PHLDB2: variants seen among roughly 807,000 people sequenced by gnomAD.
PHLDB2 encodes the protein pleckstrin homology like domain family B member 2.
In PHLDB2, 71 loss-of-function variants were observed where a neutral mutation model predicts 123.6. The observed-to-expected ratio is 0.57, with a 90% CI of 0.47 to 0.70. The LOEUF (loss-of-function observed/expected upper bound fraction) is 0.70. Ranked by LOEUF, PHLDB2 falls within the 30% of genes least tolerant of loss-of-function variation. The pLI, the probability that PHLDB2 is intolerant of heterozygous loss-of-function variation, is 0.00. For synonymous variants in PHLDB2, 547 were observed against 541.6 expected (o/e 1.01, Z -0.14); for missense variants, 1,446 against 1,519.5 (o/e 0.95, Z 0.80).
intron 6 of PHLDB2, among the ~76,000 whole-genome samples, chr3:111,935,411 A>G (rs539503529): frequency 2.0e-5 from 3 of 152,182 alleles, no homozygotes; most frequent in Admixed American, 6.5e-5. Flanking sequence ...TTCAACTTCT[A>G]TGGGCTGCAA....
In PHLDB2 at chr3:111,945,248, T is replaced by G; in HGVS notation, c.2398-20T>G. 6.5e-7 allele frequency: 1 copy of G among 1,545,146 alleles called. No homozygotes were observed. The highest frequency in any genetic ancestry group is 8.9e-7 in the Non-Finnish European group (1 of 1,123,268). ...ATCGAAGGTTGACTTTTAAGTTTAA[T>G]AGGTTTTGTATTCCTTCAGGAAAAG... On this transcript the variant is annotated intron_variant, in intron 8 of 17. Coordinates refer to ENST00000431670, the MANE Select transcript of PHLDB2 (RefSeq NM_001134438.2).
upstream of PHLDB2, among the ~76,000 whole-genome samples, chr3:111,857,014 G>A (rs1576903974): frequency 6.6e-6 from 1 of 152,200 alleles, no homozygotes; most frequent in African/African-American, 2.4e-5. Context: ...CTTGAAGGAA[G>A]TGAGGGAGTG....
At chr3:111,734,429 A>T (rs546963862) in intron 1 of PHLDB2, among the ~76,000 whole-genome samples, 155 of 152,254 alleles carry the variant, frequency 1.0e-3, no homozygotes, top group African/African-American at 3.5e-3. Flanking sequence ...AATTTTTTTT[A>T]AAAATTTATG....
At chr3:111,895,545 C>T (rs1168351732) in intron 2 of PHLDB2, among the ~76,000 whole-genome samples, 1 of 151,522 alleles carries the variant, frequency 6.6e-6, no homozygotes, top group Non-Finnish European at 1.5e-5. Flanking sequence ...ATATCAAGAC[C>T]AACAAATATA....
At chr3:111,907,803 T>C (rs1006457977) in intron 2 of PHLDB2, among the ~76,000 whole-genome samples, 3 of 151,964 alleles carry the variant, frequency 2.0e-5, no homozygotes, top group African/African-American at 7.3e-5. Flanking sequence ...TTTTTTTCTG[T>C]TTTGTTTTTT....
rs59866027 is a variant in PHLDB2, at chr3:111,943,617, A to G, written c.2398-1651A>G. On this transcript the variant is annotated intron_variant, in intron 8 of 17. Transcript: ENST00000431670. ...ATAAAGATTTTACCAAAGAACGTATATGAAGAACCGAAAAGTTACATGGGA... is the reference window on the plus strand; with the variant it reads ...ATAAAGATTTTACCAAAGAACGTATGTGAAGAACCGAAAAGTTACATGGGA... Among the ~76,000 whole-genome samples, 417 of 152,340 alleles carry G rather than the reference A, an allele frequency of 2.7e-3. 15 individuals carry two copies. The East Asian group carries it at 0.071, about 26-fold the overall frequency.
At chr3:111,872,965 A>G (rs2108717249) in intron 1 of PHLDB2, among the ~76,000 whole-genome samples, 1 of 152,326 alleles carries the variant, frequency 6.6e-6, no homozygotes, top group African/African-American at 2.4e-5. Flanking sequence ...CCTTTTATAC[A>G]TTCTAAACAG....
At chr3:111,776,771 T>C (rs2060273941) in intron 1 of PHLDB2, among the ~76,000 whole-genome samples, 1 of 152,170 alleles carries the variant, frequency 6.6e-6, no homozygotes, top group African/African-American at 2.4e-5. Context: ...TTCCTTTAGA[T>C]TTGGCAATCA....
chr3:111,733,322 T>C (rs1941566463), intron 1 of PHLDB2, among the ~76,000 whole-genome samples: 1 of 152,208 alleles, frequency 6.6e-6, no homozygotes, highest in Admixed American at 6.5e-5. Context: ...CTAGGCCGTT[T>C]CTTACCCTGA....
chr3:111,916,680 C>A (rs1239578828), intron 3 of PHLDB2: 1 of 152,124 alleles, frequency 6.6e-6, no homozygotes, highest in Non-Finnish European at 1.5e-5. Flanking sequence ...TGAACCACCC[C>A]CTGAGGTAAA....
At chr3:111,967,455 A>G (rs1429172030) in intron 14 of PHLDB2, among the ~76,000 whole-genome samples, 2 of 152,224 alleles carry the variant, frequency 1.3e-5, no homozygotes, top group Non-Finnish European at 2.9e-5. Flanking sequence ...GAAGACCACA[A>G]TTTAATTGTT....
At chr3:111,785,820 C>G (rs1311369719) in intron 1 of PHLDB2, among the ~76,000 whole-genome samples, 1 of 151,948 alleles carries the variant, frequency 6.6e-6, no homozygotes, top group African/African-American at 2.4e-5. Context: ...AGAAGGGCAA[C>G]CAGAATGGTG....
intron 1 of PHLDB2, among the ~76,000 whole-genome samples, chr3:111,770,946 A>T (rs1300728951): frequency 1.7e-5 from 1 of 59,330 alleles, no homozygotes; most frequent in East Asian, 1.1e-3. Context: ...AGCAGCCAGG[A>T]TGAGGCAGCT....
At chr3:111,734,182 G>T (rs1047697495) in intron 1 of PHLDB2, among the ~76,000 whole-genome samples, 13 of 152,208 alleles carry the variant, frequency 8.5e-5, no homozygotes, top group Non-Finnish European at 1.5e-5. Flanking sequence ...ATTAAGCACT[G>T]CAAAATGTTA....
intron 1 of PHLDB2, among the ~76,000 whole-genome samples, chr3:111,769,876 T>C (rs4682308): frequency 0.87 from 131,755 of 152,290 alleles, 57,907 homozygotes; most frequent in East Asian, 1. Context: ...AGATTAAGAA[T>C]GCTGCTGGGT....
chr3:111,744,640 C>T (rs2059654302), intron 1 of PHLDB2, among the ~76,000 whole-genome samples: 1 of 152,176 alleles, frequency 6.6e-6, no homozygotes, highest in African/African-American at 2.4e-5. Flanking sequence ...AGTAGTAGCT[C>T]CGAGCTACCA....
chr3:111,967,975 CAAAAAAAAAAA>C lies in PHLDB2; in HGVS notation c.3315+165_3315+175del, dbSNP rs58918022. On this transcript the variant is annotated intron_variant, in intron 15 of 17. Transcript: ENST00000431670. ...TAAGAGAAGAGTGTGCATTCCTGTG[CAAAAAAAAAAA>C]AAAAAAAAAAAAATGTGAGTTCATT... The C allele has an allele frequency of 3.7e-4, 25 of 67,794 alleles. 1 individual carries two copies. Among genetic ancestry groups the C allele is most frequent in the South Asian group, 1.8e-3 (3 of 1,674 alleles). The allele number at this position is 67,794 out of a possible 1,614,324, so 4.2% of individuals were successfully genotyped here. A position where few individuals can be genotyped will look rare whatever the true frequency, so the allele number is the denominator to read the frequency against.
At chr3:111,786,434 A>G (rs1323886792) in intron 1 of PHLDB2, among the ~76,000 whole-genome samples, 1 of 152,204 alleles carries the variant, frequency 6.6e-6, no homozygotes, top group Non-Finnish European at 1.5e-5. Flanking sequence ...ATGCCATTCA[A>G]GTTTGTACAG....
At chr3:111,748,530 T>C (rs547087320) in intron 1 of PHLDB2, among the ~76,000 whole-genome samples, 3 of 152,208 alleles carry the variant, frequency 2.0e-5, no homozygotes, top group Admixed American at 6.5e-5. Context: ...ACCTCTTTTT[T>C]CTTTTTCTTT....
Sources: gnomAD v4.1 joint callset for allele counts (sites outside exome capture counted in the v4.1 genomes callset) on GRCh38, gnomAD v4.1.1 for gene constraint, MANE v1.5 for transcripts, NCBI Gene and HGNC (gene_info 2026-07-23, HGNC 2026-07-21) for gene names.